Variants in GFOD1 observed in about 807,000 individuals in gnomAD.
GFOD1 encodes the protein glucose-fructose oxidoreductase domain-containing protein 1.
In GFOD1, 9 loss-of-function variants were observed where a neutral mutation model predicts 25.4. That is an observed-to-expected ratio of 0.35 (90% CI 0.21 to 0.62). GFOD1 has a LOEUF of 0.62. Ranked by LOEUF, GFOD1 falls within the 20% of genes least tolerant of loss-of-function variation. The pLI, the probability that GFOD1 is intolerant of heterozygous loss-of-function variation, is 0.72. For missense variants in GFOD1, 403 were observed against 556.9 expected, an observed-to-expected ratio of 0.72 and a Z score of 2.78; for synonymous variants, 253 against 245.6, an observed-to-expected ratio of 1.03 and a Z score of -0.28.
chr6:13,375,920 C>G (rs924557326), intron 1 of GFOD1, among the ~76,000 whole-genome samples: 1 of 152,232 alleles, frequency 6.6e-6, no homozygotes, highest in African/African-American at 2.4e-5. Context: ...ACATCTCCAT[C>G]TCTACAGCTT....
intron 1 of GFOD1, among the ~76,000 whole-genome samples, chr6:13,405,033 C>G (rs1241371377): frequency 6.6e-6 from 1 of 152,198 alleles, no homozygotes; most frequent in Non-Finnish European, 1.5e-5. Context: ...ACATCAGTAC[C>G]TGGTCCCTGA....
intron 1 of GFOD1, among the ~76,000 whole-genome samples, chr6:13,400,222 G>A (rs546899817): frequency 6.6e-6 from 1 of 152,172 alleles, no homozygotes; most frequent in Non-Finnish European, 1.5e-5. Flanking sequence ...AGTCACATTG[G>A]GGGTGGGATA....
intron 1 of GFOD1, chr6:13,470,241 T>C (rs200022015): frequency 1.8e-5 from 29 of 1,596,356 alleles, no homozygotes; most frequent in Middle Eastern, 1.7e-4. Flanking sequence ...AGAAGGGCAA[T>C]TGCCGGCTCA....
intron 1 of GFOD1, among the ~76,000 whole-genome samples, chr6:13,476,330 G>T (rs1403142048): frequency 1.3e-5 from 2 of 152,198 alleles, no homozygotes; most frequent in Non-Finnish European, 1.5e-5. Context: ...CTAAGTGAAA[G>T]AACTCAAGCA....
At chr6:13,377,310 T>A (rs1785275439) in intron 1 of GFOD1, among the ~76,000 whole-genome samples, 1 of 152,218 alleles carries the variant, frequency 6.6e-6, no homozygotes, top group Non-Finnish European at 1.5e-5. Context: ...GCTTTTCAGT[T>A]CTCTAGAACA....
intron 1 of GFOD1, among the ~76,000 whole-genome samples, chr6:13,418,600 T>G (rs999786774): frequency 6.6e-6 from 1 of 152,308 alleles, no homozygotes; most frequent in Non-Finnish European, 1.5e-5. Flanking sequence ...GACACCACTT[T>G]AAGGAATCAC....
intron 1 of GFOD1, among the ~76,000 whole-genome samples, chr6:13,415,627 C>A (rs373066906): frequency 1.3e-5 from 2 of 152,170 alleles, no homozygotes; most frequent in South Asian, 2.1e-4. Context: ...CACAGGGCAT[C>A]CAGTGACAGC....
intron 1 of GFOD1, among the ~76,000 whole-genome samples, chr6:13,380,911 G>A (rs1475468559): frequency 6.6e-6 from 1 of 152,220 alleles, no homozygotes; most frequent in East Asian, 1.9e-4. Context: ...CAAAGCATCT[G>A]ACCCCAGATT....
intron 1 of GFOD1, among the ~76,000 whole-genome samples, chr6:13,388,790 G>A (rs1785527386): frequency 6.6e-6 from 1 of 152,194 alleles, no homozygotes; most frequent in Non-Finnish European, 1.5e-5. Flanking sequence ...AAAAGTTTCT[G>A]CACAGCAAAA....
intron 1 of GFOD1, among the ~76,000 whole-genome samples, chr6:13,424,785 A>G (rs966066788): frequency 2.0e-5 from 3 of 152,258 alleles, no homozygotes; most frequent in Non-Finnish European, 2.9e-5. Flanking sequence ...AAAGGTTTTA[A>G]AAACAAATTT....
intron 1 of GFOD1, among the ~76,000 whole-genome samples, chr6:13,483,381 T>C (rs138693570): frequency 1.3e-5 from 2 of 152,212 alleles, no homozygotes; most frequent in African/African-American, 4.8e-5. Flanking sequence ...GCTGAAGCCC[T>C]TGGGTTCGGG....
intron 1 of GFOD1, among the ~76,000 whole-genome samples, chr6:13,382,614 TG>T (rs1313178399): frequency 6.6e-6 from 1 of 152,146 alleles, no homozygotes; most frequent in African/African-American, 2.4e-5. Context: ...TAATACAAGT[TG>T]GAATTGTGGA....
At chr6:13,431,524 C>A (rs1757750039) in intron 1 of GFOD1, among the ~76,000 whole-genome samples, 1 of 152,182 alleles carries the variant, frequency 6.6e-6, no homozygotes, top group African/African-American at 2.4e-5. Flanking sequence ...GCTGAAAGAG[C>A]CTTCCCTCCA....
At chr6:13,429,503 G>A (rs759187758) in intron 1 of GFOD1, among the ~76,000 whole-genome samples, 1 of 152,140 alleles carries the variant, frequency 6.6e-6, no homozygotes, top group Non-Finnish European at 1.5e-5. Context: ...GAAAAGTTTG[G>A]GTTTACTGCT....
chr6:13,390,107 A>G (rs552961209), intron 1 of GFOD1, among the ~76,000 whole-genome samples: 2 of 152,226 alleles, frequency 1.3e-5, no homozygotes, highest in East Asian at 3.9e-4. Flanking sequence ...AGCCTTGTGT[A>G]TCTCTCCTTC....
At chr6:13,450,856 T>C (rs1457021077) in intron 1 of GFOD1, among the ~76,000 whole-genome samples, 1 of 152,230 alleles carries the variant, frequency 6.6e-6, no homozygotes, top group African/African-American at 2.4e-5. Flanking sequence ...TCAGTTAAGT[T>C]GCCAGACACC....
intron 1 of GFOD1, among the ~76,000 whole-genome samples, chr6:13,445,961 G>T (rs1231494861): frequency 6.6e-6 from 1 of 152,188 alleles, no homozygotes. Flanking sequence ...TTGATCAGAA[G>T]GAGAGTGCTG....
intron 1 of GFOD1, among the ~76,000 whole-genome samples, chr6:13,424,917 A>G (rs1204930337): frequency 2.0e-5 from 3 of 151,474 alleles, no homozygotes; most frequent in African/African-American, 4.9e-5. Flanking sequence ...TATGCCAAGC[A>G]GTATTCTGAG....
intron 1 of GFOD1, among the ~76,000 whole-genome samples, chr6:13,482,860 C>G (rs1282595447): frequency 6.6e-6 from 1 of 151,814 alleles, no homozygotes; most frequent in Non-Finnish European, 1.5e-5. Context: ...CAGAGTTTCA[C>G]ATATTTGTGT....
Sources: allele counts gnomAD v4.1 joint callset (sites outside exome capture counted in the v4.1 genomes callset), GRCh38; gene constraint gnomAD v4.1.1; transcripts MANE v1.5; gene names NCBI Gene and HGNC (gene_info 2026-07-23, HGNC 2026-07-21).